Variants in POSTN observed in about 807,000 individuals in gnomAD.
POSTN encodes periostin, also known as osteoblast specific factor 2 (fasciclin I-like).
POSTN carries 71 observed loss-of-function variants against 104.5 expected under a neutral mutation model. The ratio of observed to expected loss-of-function variants is 0.68; its 90% CI spans 0.56 to 0.83. The LOEUF (loss-of-function observed/expected upper bound fraction) is 0.83, where lower values mean the gene tolerates loss of function less well. Among genes scored for constraint, POSTN ranks in the 40% least tolerant of loss-of-function variants. The pLI, the probability that POSTN is intolerant of heterozygous loss-of-function variation, is 0.00. For synonymous variants in POSTN, 355 were observed against 340.7 expected (o/e 1.04, Z -0.46); for missense variants, 949 against 1,006.8 (o/e 0.94, Z 0.78).
intron 4 of POSTN, among the ~76,000 whole-genome samples, chr13:37,589,618 T>C (rs931722406): frequency 1.3e-5 from 2 of 151,584 alleles, no homozygotes; most frequent in African/African-American, 4.9e-5. Flanking sequence ...ACTGGAGAGG[T>C]GGTTAGAGAT....
chr13:37,579,206 T>G, intron 13 of POSTN, 23 bp downstream of exon 13: 2 of 1,609,268 alleles, frequency 1.2e-6, no homozygotes, highest in African/African-American at 1.3e-5. Flanking sequence ...AACACTATCA[T>G]AAATTCATTC....
chr13:37,575,299 G>A (rs934538781), intron 16 of POSTN, among the ~76,000 whole-genome samples: 7 of 150,028 alleles, frequency 4.7e-5, no homozygotes, highest in African/African-American at 1.7e-4. Context: ...TTAATTTAAA[G>A]GTATATATTT....
intron 10 of POSTN, among the ~76,000 whole-genome samples, chr13:37,581,180 A>G (rs929219313): frequency 1.3e-5 from 2 of 152,194 alleles, no homozygotes; most frequent in Non-Finnish European, 2.9e-5. Context: ...TGATATATAT[A>G]TACACACATA....
At chr13:37,580,374 A>G (rs1950543376) in intron 11 of POSTN, among the ~76,000 whole-genome samples, 187 bp downstream of exon 11, 1 of 152,264 alleles carries the variant, frequency 6.6e-6, no homozygotes, top group Admixed American at 6.5e-5. Context: ...ACATGAAATC[A>G]TATAACGGTG....
intron 2 of POSTN, 117 bp from the exon 3 acceptor site, chr13:37,592,281 G>T (rs1950957900): frequency 4.7e-6 from 3 of 636,202 alleles, no homozygotes; most frequent in South Asian, 2.4e-5. Flanking sequence ...TAAAAATCAG[G>T]TTTTTTTTCC....
intron 18 of POSTN, 36 bp from the exon 19 acceptor site, chr13:37,570,705 C>A: frequency 7.7e-7 from 1 of 1,307,078 alleles, no homozygotes; most frequent in Non-Finnish European, 1.1e-6. Context: ...TTTGATTTAC[C>A]CTCATATTGT....
In POSTN at chr13:37,574,937, G is replaced by A. The variant is rs76364184; in HGVS notation, c.2009-285C>T. ...GAAATCTGTAATTTTTAATTGTACC[G>A]CTAAAGCGCTTTACCTTCTTTTGTA... On this transcript the variant is annotated intron_variant, in intron 16 of 22. Transcript: ENST00000379747. 2.5e-3 allele frequency among the ~76,000 whole-genome samples: 376 copies of A among 151,980 alleles called. 8 individuals carry two copies. The East Asian group carries it at 0.053, about 21-fold the overall frequency.
chr13:37,564,185 T>TACAAAACATTAC (rs1459091575), intron 22 of POSTN, among the ~76,000 whole-genome samples: 996 of 48,976 alleles, frequency 0.02, 1 homozygote, highest in East Asian at 0.032. Flanking sequence ...ACATTACATA[T>TACAAAACATTAC]ATATATATAT....
intron 16 of POSTN, among the ~76,000 whole-genome samples, chr13:37,576,776 C>A (rs1950422265): frequency 6.6e-6 from 1 of 151,978 alleles, no homozygotes; most frequent in Non-Finnish European, 1.5e-5. Flanking sequence ...CAGTGCTGAG[C>A]TGGCCTGATC....
intron 18 of POSTN, 55 bp downstream of exon 18, chr13:37,571,312 CTA>C: frequency 1.8e-6 from 2 of 1,130,498 alleles, no homozygotes; most frequent in Non-Finnish European, 2.6e-6. Context: ...TAAACCAACA[CTA>C]TTTCAAAATA....
At chr13:37,579,789 G>T in intron 12 of POSTN, 72 bp downstream of exon 12, 1 of 1,522,984 alleles carries the variant, frequency 6.6e-7, no homozygotes, top group Non-Finnish European at 8.9e-7. Flanking sequence ...CAGACATCTG[G>T]ACAGGAAAGC....
At chr13:37,577,129 GC>G (rs1950433182) in intron 16 of POSTN, among the ~76,000 whole-genome samples, 1 of 152,066 alleles carries the variant, frequency 6.6e-6, no homozygotes, top group African/African-American at 2.4e-5. Flanking sequence ...TATACTACTA[GC>G]TACACTTATG....
intron 1 of POSTN, 53 bp from the exon 2 acceptor site, chr13:37,597,335 T>A: frequency 8.5e-7 from 1 of 1,179,388 alleles, no homozygotes. Flanking sequence ...TGACTAGTTT[T>A]TCGTATCTAA....
intron 15 of POSTN, among the ~76,000 whole-genome samples, chr13:37,578,518 C>A (rs1054924774): frequency 2.6e-5 from 4 of 152,116 alleles, no homozygotes; most frequent in Non-Finnish European, 5.9e-5. Context: ...AACTTTTAGG[C>A]TAGGCGCGGT....
intron 8 of POSTN, 32 bp from the exon 9 acceptor site, chr13:37,584,135 G>A: frequency 1.2e-6 from 2 of 1,611,740 alleles, no homozygotes; most frequent in South Asian, 1.1e-5. Context: ...TCACAACAAT[G>A]TCATCATTGC....
At chr13:37,588,096 G>T (rs1466933466) in intron 4 of POSTN, 110 bp from the exon 5 acceptor site, 3 of 879,686 alleles carry the variant, frequency 3.4e-6, no homozygotes, top group East Asian at 2.6e-5. Flanking sequence ...ATTATCAGAT[G>T]GTCATACAAA....
intron 9 of POSTN, among the ~76,000 whole-genome samples, chr13:37,582,959 C>T (rs890300820): frequency 2.0e-5 from 3 of 152,124 alleles, no homozygotes; most frequent in Admixed American, 6.5e-5. Context: ...TGTCAAAACA[C>T]ATGGGCAGGA....
chr13:37,581,530 G>A (rs2138280417), intron 10 of POSTN, among the ~76,000 whole-genome samples: 1 of 152,204 alleles, frequency 6.6e-6, no homozygotes, highest in Admixed American at 6.5e-5. Context: ...GACCAGCCTG[G>A]GAAATGTAGC....
chr13:37,581,351 G>C (rs1379736119), intron 10 of POSTN, among the ~76,000 whole-genome samples: 1 of 152,118 alleles, frequency 6.6e-6, no homozygotes, highest in Non-Finnish European at 1.5e-5. Context: ...CGTGTTATCT[G>C]GACAAATACT....
Sources: gnomAD v4.1 joint callset for allele counts (sites outside exome capture counted in the v4.1 genomes callset) on GRCh38, gnomAD v4.1.1 for gene constraint, MANE v1.5 for transcripts, NCBI Gene and HGNC (gene_info 2026-07-23, HGNC 2026-07-21) for gene names.